The following SYN2 variants were observed in gnomAD, a reference collection of about 807,000 sequenced individuals.
The protein encoded by SYN2 is synapsin II, also known as synapsin-2.
SYN2 carries 19 observed loss-of-function variants against 50.9 expected under a neutral mutation model. That is an observed-to-expected ratio of 0.37 (90% CI 0.26 to 0.55). The LOEUF is 0.55. Among genes scored for constraint, SYN2 ranks in the 20% least tolerant of loss-of-function variants. The pLI is 0.81. For missense variants in SYN2, 587 were observed against 576.4 expected, an observed-to-expected ratio of 1.02 and a Z score of -0.19; for synonymous variants, 255 against 224.9, an observed-to-expected ratio of 1.13 and a Z score of -1.20.
chr3:12,185,397 G>C, intron 11 of SYN2: 1 of 985,774 alleles, frequency 1.0e-6, no homozygotes, highest in South Asian at 4.7e-5. Flanking sequence ...AATTCAGTCA[G>C]GCTACAGGGT....
chr3:12,069,538 C>T (rs961692008), intron 1 of SYN2, among the ~76,000 whole-genome samples: 1 of 151,920 alleles, frequency 6.6e-6, no homozygotes, highest in Non-Finnish European at 1.5e-5. Context: ...TGAGCCACTG[C>T]GCCCGGCCGT....
intron 1 of SYN2, among the ~76,000 whole-genome samples, chr3:12,126,487 G>C (rs1220126841): frequency 6.6e-6 from 1 of 152,162 alleles, no homozygotes; most frequent in Non-Finnish European, 1.5e-5. Context: ...GTCAGACCCT[G>C]AAAATATTAG....
At chr3:12,043,080 T>C (rs1016236454) in intron 1 of SYN2, among the ~76,000 whole-genome samples, 1 of 151,438 alleles carries the variant, frequency 6.6e-6, no homozygotes, top group African/African-American at 2.4e-5. Context: ...TGGAGTGCGA[T>C]GGGGTGATCA....
intron 1 of SYN2, chr3:12,070,578 A>G (rs1574922574): frequency 2.3e-6 from 3 of 1,320,726 alleles, no homozygotes; most frequent in East Asian, 3.7e-5. Flanking sequence ...CCCCAAGGCC[A>G]ACAGAGAGAA....
At chr3:12,123,584 T>C (rs1032090931) in intron 1 of SYN2, among the ~76,000 whole-genome samples, 3 of 152,032 alleles carry the variant, frequency 2.0e-5, no homozygotes, top group Non-Finnish European at 4.4e-5. Flanking sequence ...ACCTAGGCAA[T>C]GTAGTGAGAC....
chr3:12,184,967 A>G (rs942612243), intron 11 of SYN2: 3 of 985,598 alleles, frequency 3.0e-6, no homozygotes, highest in Non-Finnish European at 3.6e-6. Flanking sequence ...CAGATCTGAG[A>G]AGGAACTAGT....
rs376035351 is a variant in SYN2 at position 12,044,179 on chromosome 3, T to A, written c.377+39251T>A. Among the ~76,000 whole-genome samples, 108 of 60,960 alleles carry A rather than the reference T, an allele frequency of 1.8e-3. 1 individual carries two copies. Among genetic ancestry groups the A allele is most frequent in the South Asian group, 0.017 (14 of 820 alleles). 40.0% of individuals were successfully genotyped at this position (60,960 alleles called of 152,430 possible). A position where few individuals can be genotyped will look rare whatever the true frequency, so the allele number is the denominator to read the frequency against. ...GCAAAGTTCTCTCTCTCTCTCTCTCTCTCACACACACACACACACACACAC... is the reference window on the plus strand; with the variant it reads ...GCAAAGTTCTCTCTCTCTCTCTCTCACTCACACACACACACACACACACAC... On this transcript the variant is annotated intron_variant, in intron 1 of 12. Transcript: ENST00000621198.
chr3:12,036,217 G>A (rs1694494966), intron 1 of SYN2, among the ~76,000 whole-genome samples: 1 of 152,090 alleles, frequency 6.6e-6, no homozygotes, highest in Admixed American at 6.5e-5. Flanking sequence ...CTCTGTGGTG[G>A]CCTCATTCCT....
At chr3:12,048,019 T>C (rs1284367499) in intron 1 of SYN2, among the ~76,000 whole-genome samples, 2 of 152,222 alleles carry the variant, frequency 1.3e-5, no homozygotes, top group Non-Finnish European at 2.9e-5. Context: ...TCCAACCTTT[T>C]ACTTCTGACT....
At chr3:12,084,329 A>G (rs1660646851) in intron 1 of SYN2, among the ~76,000 whole-genome samples, 1 of 152,118 alleles carries the variant, frequency 6.6e-6, no homozygotes, top group African/African-American at 2.4e-5. Context: ...GCTCTTGGGA[A>G]ATGTAATCTA....
At chr3:12,131,086 C>T (rs1030770675) in intron 1 of SYN2, among the ~76,000 whole-genome samples, 2 of 152,230 alleles carry the variant, frequency 1.3e-5, no homozygotes, top group Non-Finnish European at 2.9e-5. Flanking sequence ...ACAAGGACAT[C>T]TATCTGAGGA....
At chr3:12,101,724 C>T (rs1162907957) in intron 1 of SYN2, among the ~76,000 whole-genome samples, 9 of 151,992 alleles carry the variant, frequency 5.9e-5, no homozygotes, top group Non-Finnish European at 1.0e-4. Flanking sequence ...CTTCTATGGC[C>T]CTTAAGCATG....
At chr3:12,122,034 ACCT>A (rs1285424648) in intron 1 of SYN2, among the ~76,000 whole-genome samples, 1 of 152,026 alleles carries the variant, frequency 6.6e-6, no homozygotes, top group Non-Finnish European at 1.5e-5. Context: ...TTCTAGGGTA[ACCT>A]CCTTCATTTA....
chr3:12,093,722 G>A (rs1300975034), intron 1 of SYN2, among the ~76,000 whole-genome samples: 4 of 151,990 alleles, frequency 2.6e-5, no homozygotes, highest in Admixed American at 1.3e-4. Context: ...TTTTTTCTAG[G>A]TGTCCTGCTG....
intron 1 of SYN2, among the ~76,000 whole-genome samples, chr3:12,081,410 T>C (rs953974459): frequency 6.6e-6 from 1 of 152,232 alleles, no homozygotes; most frequent in Non-Finnish European, 1.5e-5. Flanking sequence ...TTGGCATTCC[T>C]TATTTTTGTG....
At chr3:12,061,576 A>G (rs1050061879) in intron 1 of SYN2, among the ~76,000 whole-genome samples, 1 of 152,094 alleles carries the variant, frequency 6.6e-6, no homozygotes, top group African/African-American at 2.4e-5. Context: ...AATTAAAGCT[A>G]TATATTTTGT....
chr3:12,121,506 G>T (rs1696556171), intron 1 of SYN2, among the ~76,000 whole-genome samples: 4 of 150,584 alleles, frequency 2.7e-5, no homozygotes. Flanking sequence ...CTTGTTTTTT[G>T]TTTTTTTTGT....
rs1275999759 is a variant in SYN2 at position 12,070,554 on chromosome 3, G to A, written c.377+65626G>A. 3.6e-6 allele frequency: 4 copies of A among 1,125,380 alleles called. No homozygotes were observed. In the African/African-American group the frequency reaches 6.3e-5, roughly 18 times the overall value. 69.7% of individuals were successfully genotyped at this position (1,125,380 alleles called of 1,614,324 possible). A position where few individuals can be genotyped will look rare whatever the true frequency, so the allele number is the denominator to read the frequency against. ...GGAGGAGCACCTGGTGCTGCTGACGGAGGCCCTTGTGAACCCCAAGGCCAA... is the reference window on the plus strand; with the variant it reads ...GGAGGAGCACCTGGTGCTGCTGACGAAGGCCCTTGTGAACCCCAAGGCCAA... On this transcript the variant is annotated intron_variant, in intron 1 of 12. Coordinates refer to ENST00000621198, the MANE Select transcript of SYN2 (RefSeq NM_133625.6).
chr3:12,093,684 A>G lies in SYN2; in HGVS notation c.378-46967A>G, dbSNP rs73137685. ...GTTGCTCTCATCACTGACTTTGAGC[A>G]TGTTATTTTCCTTTCCACATTAGCG... On this transcript the variant is annotated intron_variant, in intron 1 of 12. Transcript: ENST00000621198. 7.5e-3 allele frequency among the ~76,000 whole-genome samples: 1,138 copies of G among 152,262 alleles called. 10 individuals are homozygous for G. The highest frequency in any genetic ancestry group is 0.026 in the African/African-American group (1,077 of 41,558).
Sources: gnomAD v4.1 joint callset for allele counts (sites outside exome capture counted in the v4.1 genomes callset) on GRCh38, gnomAD v4.1.1 for gene constraint, MANE v1.5 for transcripts, NCBI Gene and HGNC (gene_info 2026-07-23, HGNC 2026-07-21) for gene names.